Variants in PCGF6 observed in about 807,000 individuals in gnomAD.
The protein encoded by PCGF6 is polycomb group ring finger 6.
Under a neutral mutation model 45.5 loss-of-function variants are expected in PCGF6, and 24 were observed. That is an observed-to-expected ratio of 0.53 (90% confidence interval 0.38 to 0.74). PCGF6 has a LOEUF of 0.74. PCGF6 is among the 30% of genes least tolerant of loss of function. The probability of loss-of-function intolerance (pLI) is 0.00; values close to 1 mark genes in which losing one functional copy is unlikely to be tolerated. For synonymous variants in PCGF6, 152 were observed against 162.1 expected, an observed-to-expected ratio of 0.94 and a Z score of 0.47; for missense variants, 356 against 443.2, an observed-to-expected ratio of 0.80 and a Z score of 1.77.
At chr10:103,340,841 G>A (rs775448155) in intron 6 of PCGF6, among the ~76,000 whole-genome samples, 1 of 151,954 alleles carries the variant, frequency 6.6e-6, no homozygotes, top group Non-Finnish European at 1.5e-5. Context: ...GGACTCCAGC[G>A]GTTCTCCTAC....
At chr10:103,334,002 G>T in intron 6 of PCGF6, 50 bp from the exon 7 acceptor site, 1 of 1,243,032 alleles carries the variant, frequency 8.0e-7, no homozygotes, top group Non-Finnish European at 1.1e-6. Context: ...TAAGCTATAT[G>T]TTTAATCATA....
intron 5 of PCGF6, among the ~76,000 whole-genome samples, chr10:103,346,843 C>T (rs2093301615): frequency 6.6e-6 from 1 of 152,186 alleles, no homozygotes; most frequent in African/African-American, 2.4e-5. Flanking sequence ...CATGTCCATT[C>T]CGTGACATTA....
chr10:103,321,013 C>T (rs1362725541), intron 8 of PCGF6, among the ~76,000 whole-genome samples: 1 of 152,146 alleles, frequency 6.6e-6, no homozygotes, highest in Non-Finnish European at 1.5e-5. Flanking sequence ...ATTTAGGCCT[C>T]AACAATTTTA....
intron 1 of PCGF6, 33 bp downstream of exon 1, chr10:103,350,674 G>T: frequency 7.0e-7 from 1 of 1,429,078 alleles, no homozygotes; most frequent in East Asian, 2.7e-5. Flanking sequence ...ACGCCGCTTG[G>T]GCCCAGCGGG....
At chr10:103,332,979 T>A (rs941593771) in intron 7 of PCGF6, among the ~76,000 whole-genome samples, 1 of 152,026 alleles carries the variant, frequency 6.6e-6, no homozygotes, top group African/African-American at 2.4e-5. Flanking sequence ...CTGGGCGTGG[T>A]GGTGCATGCC....
In PCGF6 at chr10:103,351,025, A is replaced by G; in HGVS notation, c.42T>C (p.Ala14=). 7.1e-7 allele frequency: 1 copy of G among 1,416,054 alleles called. No individual in the cohort carries two copies. Among genetic ancestry groups the G allele is most frequent in the African/African-American group, 1.5e-5 (1 of 67,020 alleles). The allele number at this position is 1,416,054 out of a possible 1,614,324, so 87.7% of individuals were successfully genotyped here. ...VAVVTAGSVG[A]AKTEGAAALP... The stretch of plus-strand genomic sequence containing the variant: ...AGGCTGCAGCTCCCTCGGTTTTGGC[A>G]GCGCCTACGCTGCCCGCCGTCACCA... The change falls in exon 1 of 10, where the codon GCT becomes GCC. Residue 14 remains alanine (A), a synonymous_variant. Transcript: ENST00000369847.
chr10:103,350,925 G>A lies in PCGF6; in HGVS notation c.142C>T (p.Leu48=), dbSNP rs780234620. 2 of 1,513,394 alleles carry A rather than the reference G, an allele frequency of 1.3e-6. No homozygotes were observed. The highest frequency in any genetic ancestry group is 1.4e-5 in the African/African-American group (1 of 69,642). The allele number at this position is 1,513,394 out of a possible 1,614,324, so 93.7% of individuals were successfully genotyped here. The stretch of plus-strand genomic sequence containing the variant: ...CAGCCGGGAGCCCCCGTCTCAGACA[G>A]AGGCGCCGGTCCCTCCTCACCCGCT... ...PAAGEEGPAP[L]SETGAPGCSG... Residue 48 remains leucine (L), a synonymous_variant, in exon 1 of 10, where the codon CTG becomes TTG. Transcript: ENST00000369847.
At chr10:103,336,234 C>CA (rs960927101) in intron 6 of PCGF6, among the ~76,000 whole-genome samples, 30 of 119,744 alleles carry the variant, frequency 2.5e-4, no homozygotes, top group Admixed American at 4.3e-4. Flanking sequence ...ACTGCGTCTC[C>CA]AAAAAAAAAA....
Position 103,340,007 on chromosome 10 carries a change from C to CAAAA in PCGF6, c.782+5013_782+5016dup, listed in dbSNP as rs60211186. On this transcript the variant is annotated intron_variant, in intron 6 of 9. Coordinates refer to ENST00000369847, the MANE Select transcript of PCGF6 (RefSeq NM_001011663.2). ...TGAAACCCCGCCTCTACTAAAAATA[C>CAAAA]AAAAAAAAAAAAAAAAAAAAAAATT... Among the ~76,000 whole-genome samples the CAAAA allele has an allele frequency of 1.1e-3, 69 of 60,152 alleles. 1 individual carries two copies. The highest frequency in any genetic ancestry group is 2.7e-3 in the African/African-American group (35 of 13,060). The allele number at this position is 60,152 out of a possible 152,430, so 39.5% of individuals were successfully genotyped here.
chr10:103,334,078 G>C, intron 6 of PCGF6, 126 bp from the exon 7 acceptor site: 1 of 634,446 alleles, frequency 1.6e-6, no homozygotes, highest in Non-Finnish European at 2.4e-6. Context: ...GTCACCTGAA[G>C]TTTTATGAAA....
intron 6 of PCGF6, among the ~76,000 whole-genome samples, chr10:103,339,810 A>AAAAAAC (rs1554865094): frequency 3.1e-5 from 1 of 32,226 alleles, no homozygotes; most frequent in African/African-American, 8.4e-5. Flanking sequence ...TCAAAAAAAA[A>AAAAAAC]ACACACACAC....
At chr10:103,323,685 C>T (rs781357285) in intron 8 of PCGF6, among the ~76,000 whole-genome samples, 5 of 151,740 alleles carry the variant, frequency 3.3e-5, no homozygotes, top group Non-Finnish European at 5.9e-5. Context: ...CTCCACCTCC[C>T]GGGTAATAGC....
In PCGF6 at chr10:103,347,406, T is replaced by C. The variant is rs2093303503; in HGVS notation, c.602A>G (p.Asn201Ser). Reference protein sequence around the residue: ...LQDIVYKLVINLEEREKKQMH... With the variant: ...LQDIVYKLVISLEEREKKQMH... ...TAAAAGAAACTTACTTTCCTCTAGA[T>C]TGATCACTAATTTGTACACTATGTC... The change falls in exon 4 of 10, where the codon AAT becomes AGT. Residue 201 changes from asparagine to serine, a missense_variant. This residue lies in a region of PCGF6 where 307 missense variants were observed against 350.1 expected (regional missense o/e 0.88). Coordinates refer to ENST00000369847, the MANE Select transcript of PCGF6 (RefSeq NM_001011663.2). 2.5e-6 allele frequency: 4 copies of C among 1,606,836 alleles called. No individual in the cohort carries two copies. The highest frequency in any genetic ancestry group is 1.1e-5 in the South Asian group (1 of 90,818).
chr10:103,326,411 G>C, intron 8 of PCGF6, 123 bp downstream of exon 8: 1 of 411,538 alleles, frequency 2.4e-6, no homozygotes, highest in East Asian at 4.7e-5. Flanking sequence ...AAAAAACAAT[G>C]TCTACAACAT....
chr10:103,328,457 A>C (rs1407379309), intron 7 of PCGF6, among the ~76,000 whole-genome samples: 1 of 152,154 alleles, frequency 6.6e-6, no homozygotes, highest in Non-Finnish European at 1.5e-5. Context: ...CAGCATACAG[A>C]ATAGGTGTTG....
intron 7 of PCGF6, among the ~76,000 whole-genome samples, chr10:103,333,117 TA>T (rs55722610): frequency 0.23 from 30,595 of 130,966 alleles, 3,400 homozygotes; most frequent in East Asian, 0.36. Flanking sequence ...AGACTCCATT[TA>T]AAAAAAAAAA....
chr10:103,321,492 T>A (rs964109883), intron 8 of PCGF6, among the ~76,000 whole-genome samples: 2 of 152,082 alleles, frequency 1.3e-5, no homozygotes, highest in African/African-American at 2.4e-5. Flanking sequence ...GGTGGGCGGA[T>A]CACGAGGTCA....
intron 6 of PCGF6, among the ~76,000 whole-genome samples, chr10:103,343,363 C>G (rs1023447311): frequency 4.0e-5 from 6 of 151,810 alleles, no homozygotes; most frequent in African/African-American, 1.5e-4. Context: ...AAATAGTCAT[C>G]AGTGATACAA....
chr10:103,339,761 C>T (rs1288750533), intron 6 of PCGF6, among the ~76,000 whole-genome samples: 1 of 149,050 alleles, frequency 6.7e-6, no homozygotes, highest in Non-Finnish European at 1.5e-5. Context: ...CGCGCCACTG[C>T]CCTCCAGCCT....
Sources: gnomAD v4.1 joint callset for allele counts (sites outside exome capture counted in the v4.1 genomes callset) on GRCh38, gnomAD v4.1.1 for gene constraint, gnomAD v4.1.1 regional missense constraint, MANE v1.5 for transcripts, NCBI Gene and HGNC (gene_info 2026-07-23, HGNC 2026-07-21) for gene names.